CNTN4: variants seen among roughly 807,000 people sequenced by gnomAD.
CNTN4 encodes contactin 4.
In CNTN4, 77 loss-of-function variants were observed where a neutral mutation model predicts 122.5. That is an observed-to-expected ratio of 0.63 (90% confidence interval 0.52 to 0.76). CNTN4 has a LOEUF of 0.76. CNTN4 is among the 30% of genes least tolerant of loss of function. The probability of loss-of-function intolerance (pLI) is 0.00; values close to 1 mark genes in which losing one functional copy is unlikely to be tolerated. For missense variants in CNTN4, 1,256 were observed against 1,259.1 expected (o/e 1.00, Z 0.04); for synonymous variants, 512 against 447.0 (o/e 1.15, Z -1.83).
At chr3:2,554,114 G>A (rs1434237181) in intron 3 of CNTN4, among the ~76,000 whole-genome samples, 2 of 152,098 alleles carry the variant, frequency 1.3e-5, no homozygotes, top group Non-Finnish European at 2.9e-5. Context: ...TCTTTATAAT[G>A]AAGTACCTTA....
At chr3:2,875,488 G>T (rs1203436110) in intron 8 of CNTN4, among the ~76,000 whole-genome samples, 1 of 151,982 alleles carries the variant, frequency 6.6e-6, no homozygotes, top group Admixed American at 6.6e-5. Context: ...AGTATTTATG[G>T]GCCCACCACC....
intron 4 of CNTN4, among the ~76,000 whole-genome samples, chr3:2,676,612 G>C (rs892999060): frequency 2.0e-5 from 3 of 152,196 alleles, no homozygotes; most frequent in Non-Finnish European, 4.4e-5. Context: ...AGTGCACCTT[G>C]ATGAATGGAT....
rs549851434 is a variant in CNTN4 at position 2,812,451 on chromosome 3, A to C, written c.359-7035A>C. 1.1e-4 allele frequency among the ~76,000 whole-genome samples: 16 copies of C among 152,346 alleles called. No homozygotes were observed. In the South Asian group the frequency reaches 1.7e-3, roughly 16 times the overall value. On this transcript the variant is annotated intron_variant, in intron 6 of 24. Transcript: ENST00000418658. The stretch of plus-strand genomic sequence containing the variant: ...GTGTTATAAAGAATACAGTTCATGC[A>C]ATATAAAGGATAAGATATCTGATTC...
At chr3:2,477,353 A>G (rs908041122) in intron 3 of CNTN4, among the ~76,000 whole-genome samples, 2 of 152,150 alleles carry the variant, frequency 1.3e-5, no homozygotes, top group Non-Finnish European at 2.9e-5. Context: ...ATATACTAAT[A>G]ATAGTAATTA....
chr3:2,735,744 G>A (rs1485296489), intron 4 of CNTN4: 2 of 334,200 alleles, frequency 6.0e-6, no homozygotes, highest in African/African-American at 4.3e-5. Flanking sequence ...TTAGCAATAC[G>A]GAGCTGTTAC....
intron 3 of CNTN4, among the ~76,000 whole-genome samples, chr3:2,367,842 A>G (rs2045458999): frequency 6.6e-6 from 1 of 151,934 alleles, no homozygotes; most frequent in South Asian, 2.1e-4. Context: ...AACCCCTAAC[A>G]ACGTTCGGAC....
At chr3:2,744,447 AC>A (rs1576635956) in intron 5 of CNTN4, among the ~76,000 whole-genome samples, 1 of 152,090 alleles carries the variant, frequency 6.6e-6, no homozygotes, top group East Asian at 1.9e-4. Flanking sequence ...CTCATTCCTT[AC>A]TCTCATTATG....
At chr3:2,432,979 TTTTGTTTG>T (rs143427537) in intron 3 of CNTN4, among the ~76,000 whole-genome samples, 55 of 151,718 alleles carry the variant, frequency 3.6e-4, no homozygotes, top group East Asian at 5.8e-4. Flanking sequence ...TCATTTGTTT[TTTTGTTTG>T]TTTGTTTGTT....
intron 13 of CNTN4, among the ~76,000 whole-genome samples, chr3:2,952,712 T>C (rs897066550): frequency 6.6e-6 from 1 of 152,244 alleles, no homozygotes; most frequent in African/African-American, 2.4e-5. Context: ...TATTTATTAC[T>C]TAATTTTGAA....
At chr3:3,042,572 T>A in intron 21 of CNTN4, 150 bp downstream of exon 21, 1 of 686,494 alleles carries the variant, frequency 1.5e-6, no homozygotes, top group Admixed American at 2.1e-5. Context: ...AATGGAAGCA[T>A]TGAATACTCA....
chr3:2,747,438 T>A (rs11129283), intron 6 of CNTN4, among the ~76,000 whole-genome samples: 4 of 7,302 alleles, frequency 5.5e-4, no homozygotes, highest in Non-Finnish European at 6.8e-4. Context: ...AAATAAAAAA[T>A]AAAATACTAT....
intron 3 of CNTN4, among the ~76,000 whole-genome samples, chr3:2,532,922 A>C (rs1177138691): frequency 6.6e-6 from 1 of 152,144 alleles, no homozygotes; most frequent in Non-Finnish European, 1.5e-5. Flanking sequence ...TGTAGAACTC[A>C]TAGCCTTACG....
chr3:2,300,661 TC>T (rs1364741706), intron 2 of CNTN4, among the ~76,000 whole-genome samples: 1 of 137,156 alleles, frequency 7.3e-6, no homozygotes, highest in Non-Finnish European at 1.5e-5. Context: ...AACCTCTGCC[TC>T]CCGGGTTCAA....
At chr3:2,394,502 A>C (rs1234439664) in intron 3 of CNTN4, among the ~76,000 whole-genome samples, 1 of 152,214 alleles carries the variant, frequency 6.6e-6, no homozygotes, top group Non-Finnish European at 1.5e-5. Flanking sequence ...AAGAGAAATG[A>C]AGATTGAAAC....
intron 2 of CNTN4, among the ~76,000 whole-genome samples, chr3:2,210,778 A>G (rs561746672): frequency 4.6e-5 from 7 of 152,226 alleles, no homozygotes; most frequent in Admixed American, 3.9e-4. Flanking sequence ...GTCTTTTTGA[A>G]TCTGCCCATT....
chr3:2,798,093 C>G (rs2092247523), intron 6 of CNTN4, among the ~76,000 whole-genome samples: 1 of 111,464 alleles, frequency 9.0e-6, no homozygotes, highest in African/African-American at 3.3e-5. Flanking sequence ...TCTTTCAACT[C>G]TCCAGTGTCT....
chr3:2,238,134 C>A (rs2039755199), intron 2 of CNTN4, among the ~76,000 whole-genome samples: 1 of 151,510 alleles, frequency 6.6e-6, no homozygotes, highest in Non-Finnish European at 1.5e-5. Flanking sequence ...AGGCTATGAA[C>A]AATTGAATTT....
At chr3:3,034,979 T>C (rs1699475832) in intron 17 of CNTN4, among the ~76,000 whole-genome samples, 189 bp downstream of exon 17, 1 of 152,174 alleles carries the variant, frequency 6.6e-6, no homozygotes, top group African/African-American at 2.4e-5. Context: ...AGTTGGGTTT[T>C]TTTAAACTCA....
At chr3:2,901,123 G>A (rs1469150579) in intron 11 of CNTN4, among the ~76,000 whole-genome samples, 2 of 152,096 alleles carry the variant, frequency 1.3e-5, no homozygotes, top group African/African-American at 2.4e-5. Flanking sequence ...AGATACAAAG[G>A]AACATACATT....
Sources: allele counts gnomAD v4.1 joint callset (sites outside exome capture counted in the v4.1 genomes callset), GRCh38; gene constraint gnomAD v4.1.1; transcripts MANE v1.5; gene names NCBI Gene and HGNC (gene_info 2026-07-23, HGNC 2026-07-21).